The following CCDC91 variants were observed in gnomAD, a reference collection of about 807,000 sequenced individuals.
CCDC91 encodes coiled-coil domain containing 91, also known as coiled-coil domain-containing protein 91.
Under a neutral mutation model 63.2 loss-of-function variants are expected in CCDC91, and 48 were observed. The ratio of observed to expected loss-of-function variants is 0.76; its 90% confidence interval spans 0.60 to 0.97. The LOEUF (loss-of-function observed/expected upper bound fraction) is 0.97, where lower values mean the gene tolerates loss of function less well. Ranked by LOEUF, CCDC91 falls within the 50% of genes least tolerant of loss-of-function variation. CCDC91 has a pLI of 0.00. For synonymous variants in CCDC91, 167 were observed against 165.8 expected, an observed-to-expected ratio of 1.01 and a Z score of -0.06; for missense variants, 500 against 494.6, an observed-to-expected ratio of 1.01 and a Z score of -0.10.
chr12:28,395,637 G>T (rs1946244074), intron 8 of CCDC91, among the ~76,000 whole-genome samples: 1 of 152,144 alleles, frequency 6.6e-6, no homozygotes, highest in Non-Finnish European at 1.5e-5. Flanking sequence ...CTGGTACAGA[G>T]ATCCTAAAAT....
intron 3 of CCDC91, among the ~76,000 whole-genome samples, chr12:28,265,957 T>A (rs1947157899): frequency 6.6e-6 from 1 of 152,078 alleles, no homozygotes; most frequent in Non-Finnish European, 1.5e-5. Context: ...AATTTTGTAG[T>A]GCCTTTACAC....
intron 6 of CCDC91, among the ~76,000 whole-genome samples, chr12:28,321,695 C>T (rs146674148): frequency 1.1e-3 from 163 of 151,920 alleles, no homozygotes; most frequent in African/African-American, 3.6e-3. Context: ...GAAGAAAGCC[C>T]TCACCGGAAA....
intron 12 of CCDC91, among the ~76,000 whole-genome samples, chr12:28,531,548 A>AC (rs1240485161): frequency 6.6e-6 from 1 of 152,172 alleles, no homozygotes; most frequent in African/African-American, 2.4e-5. Flanking sequence ...TTTAAAGAGT[A>AC]CCATCACTCA....
rs751831768 is a variant in CCDC91, at chr12:28,549,071, A to G, written c.1224A>G (p.Gln408=). 1.2e-6 allele frequency: 2 copies of G among 1,608,968 alleles called. No homozygotes were observed. Among genetic ancestry groups the G allele is most frequent in the Non-Finnish European group, 1.7e-6 (2 of 1,176,326 alleles). The part of the protein sequence containing the change: ...EYIKEQKRLD[Q]VIRQRSLSSL... ...TTAAAAAAATTAAACAGCTCGATCA[A>G]GTCATCCGCCAAAGAAGCCTGTCCA... The change falls in exon 13 of 13, where the codon CAA becomes CAG. Residue 408 remains glutamine, a synonymous_variant. Coordinates refer to ENST00000536442, the MANE Select transcript of CCDC91 (RefSeq NM_018318.5).
intron 1 of CCDC91, among the ~76,000 whole-genome samples, chr12:28,246,795 T>A (rs1945769028): frequency 6.6e-6 from 1 of 152,180 alleles, no homozygotes; most frequent in African/African-American, 2.4e-5. Context: ...TAGAATTAAC[T>A]GACTTACCTG....
chr12:28,282,419 G>C (rs1279891056), intron 3 of CCDC91, among the ~76,000 whole-genome samples: 1 of 152,078 alleles, frequency 6.6e-6, no homozygotes, highest in Non-Finnish European at 1.5e-5. Flanking sequence ...TTCCATCCAA[G>C]TTGTTGCAAA....
chr12:28,300,811 ACATT>A (rs1156837630), intron 3 of CCDC91, among the ~76,000 whole-genome samples: 1 of 151,500 alleles, frequency 6.6e-6, no homozygotes, highest in African/African-American at 2.4e-5. Flanking sequence ...AGTTTTCCTC[ACATT>A]TCTTGCTAAA....
intron 7 of CCDC91, among the ~76,000 whole-genome samples, chr12:28,376,472 TA>T (rs1337498550): frequency 4.0e-5 from 6 of 151,570 alleles, no homozygotes; most frequent in Non-Finnish European, 5.9e-5. Flanking sequence ...ACGTCAAGAT[TA>T]AAAAAAACAA....
intron 1 of CCDC91, among the ~76,000 whole-genome samples, chr12:28,233,749 T>G (rs1360706574): frequency 6.6e-6 from 1 of 152,150 alleles, no homozygotes; most frequent in Non-Finnish European, 1.5e-5. Context: ...AACTCTATTC[T>G]TACTTAGTTT....
At chr12:28,405,764 G>A (rs1380659048) in intron 8 of CCDC91, among the ~76,000 whole-genome samples, 3 of 152,148 alleles carry the variant, frequency 2.0e-5, no homozygotes, top group Admixed American at 2.0e-4. Flanking sequence ...TTTGGTAGTG[G>A]TAGAAAAGCC....
At chr12:28,396,704 C>G (rs1946318003) in intron 8 of CCDC91, among the ~76,000 whole-genome samples, 1 of 151,146 alleles carries the variant, frequency 6.6e-6, no homozygotes, top group Admixed American at 6.6e-5. Flanking sequence ...GTGTTTGTGA[C>G]ACAAACACAT....
chr12:28,499,762 G>A (rs1952525876), intron 12 of CCDC91, among the ~76,000 whole-genome samples: 1 of 152,090 alleles, frequency 6.6e-6, no homozygotes, highest in Non-Finnish European at 1.5e-5. Flanking sequence ...CATTTGGGTT[G>A]GTTCCAAGTC....
At chr12:28,198,902 C>T (rs56276930) in intron 1 of CCDC91, 1 of 150,646 alleles carries the variant, frequency 6.6e-6, no homozygotes, top group Non-Finnish European at 1.5e-5. Flanking sequence ...TCTAATGTAC[C>T]ATTTTAATTT....
At chr12:28,267,866 T>TATATTAATA (rs1363573325) in intron 3 of CCDC91, among the ~76,000 whole-genome samples, 1 of 52,720 alleles carries the variant, frequency 1.9e-5, no homozygotes, top group Non-Finnish European at 3.3e-5. Context: ...TATATAATTA[T>TATATTAATA]ATATAATTAT....
intron 3 of CCDC91, among the ~76,000 whole-genome samples, chr12:28,268,016 ATAATT>A (rs1186845571): frequency 1.5e-5 from 2 of 129,618 alleles, no homozygotes; most frequent in Admixed American, 1.9e-4. Context: ...TATATGATTA[ATAATT>A]TAATTATTAA....
At chr12:28,280,278 A>T (rs1444826732) in intron 3 of CCDC91, among the ~76,000 whole-genome samples, 1 of 152,142 alleles carries the variant, frequency 6.6e-6, no homozygotes. Context: ...ATATGTGAAG[A>T]GAAAAAATTA....
At chr12:28,497,107 A>G (rs1029289532) in intron 12 of CCDC91, among the ~76,000 whole-genome samples, 5 of 151,258 alleles carry the variant, frequency 3.3e-5, no homozygotes, top group South Asian at 2.1e-4. Context: ...CTAAAAAAAG[A>G]GCTTAAATTT....
chr12:28,266,523 G>T (rs527445511), intron 3 of CCDC91, among the ~76,000 whole-genome samples: 3 of 151,790 alleles, frequency 2.0e-5, no homozygotes, highest in African/African-American at 7.3e-5. Context: ...AATAAATTAC[G>T]GTGGTTCTAA....
chr12:28,279,238 TTGTCTC>T (rs67854408), intron 3 of CCDC91, among the ~76,000 whole-genome samples: 59,671 of 151,274 alleles, frequency 0.39, 12,197 homozygotes, highest in Middle Eastern at 0.49. Context: ...ATATAAAAGT[TTGTCTC>T]TGTATCTTTT....
Sources: gnomAD v4.1 joint callset for allele counts (sites outside exome capture counted in the v4.1 genomes callset) on GRCh38, gnomAD v4.1.1 for gene constraint, MANE v1.5 for transcripts, NCBI Gene and HGNC (gene_info 2026-07-23, HGNC 2026-07-21) for gene names.